SCFD1: variants seen among roughly 807,000 people sequenced by gnomAD.
SCFD1 encodes the protein sec1 family domain containing 1.
A neutral mutation model predicts 103.2 loss-of-function variants in SCFD1; 37 were observed. The ratio of observed to expected loss-of-function variants is 0.36; its 90% CI spans 0.28 to 0.47. The LOEUF (loss-of-function observed/expected upper bound fraction) is 0.47, where lower values mean the gene tolerates loss of function less well. Among genes scored for constraint, SCFD1 ranks in the 20% least tolerant of loss-of-function variants. The probability of loss-of-function intolerance (pLI) is 1.00; values close to 1 mark genes in which losing one functional copy is unlikely to be tolerated. For synonymous variants in SCFD1, 264 were observed against 245.0 expected (o/e 1.08, Z -0.73); for missense variants, 639 against 761.2 (o/e 0.84, Z 1.89).
At chr14:30,731,332 A>G (rs954827624) in intron 23 of SCFD1, among the ~76,000 whole-genome samples, 13 of 152,228 alleles carry the variant, frequency 8.5e-5, no homozygotes, top group South Asian at 4.1e-4. Flanking sequence ...TTGGCAATGC[A>G]GGCTCTTTTT....
At chr14:30,631,372 T>C (rs1266274626) in intron 3 of SCFD1, among the ~76,000 whole-genome samples, 1 of 151,994 alleles carries the variant, frequency 6.6e-6, no homozygotes, top group Non-Finnish European at 1.5e-5. Context: ...AAAAAATTAA[T>C]TAATTAAAAT....
chr14:30,626,254 AT>A (rs1197510773), intron 1 of SCFD1, among the ~76,000 whole-genome samples: 1 of 152,078 alleles, frequency 6.6e-6, no homozygotes, highest in Non-Finnish European at 1.5e-5. Flanking sequence ...GGTAATGTGT[AT>A]TTTTGGCTGG....
chr14:30,657,617 T>C (rs1004085718), intron 10 of SCFD1, among the ~76,000 whole-genome samples: 1 of 152,162 alleles, frequency 6.6e-6, no homozygotes, highest in African/African-American at 2.4e-5. Flanking sequence ...TAATTCTGTT[T>C]ATTAATCTTA....
intron 17 of SCFD1, 88 bp downstream of exon 17, chr14:30,702,463 A>C (rs1426587893): frequency 1.3e-6 from 1 of 746,430 alleles, no homozygotes; most frequent in Non-Finnish European, 2.2e-6. Context: ...GCTAATAAGA[A>C]AACTGAACAA....
chr14:30,623,617 G>A (rs1485511952), intron 1 of SCFD1, among the ~76,000 whole-genome samples: 1 of 152,088 alleles, frequency 6.6e-6, no homozygotes, highest in South Asian at 2.1e-4. Context: ...TTAAAATAAC[G>A]TGTCAGTAAA....
intron 23 of SCFD1, among the ~76,000 whole-genome samples, chr14:30,723,145 C>T (rs1029506265): frequency 6.6e-6 from 1 of 152,160 alleles, no homozygotes; most frequent in African/African-American, 2.4e-5. Flanking sequence ...GTAATCTTCA[C>T]TTATTCACTT....
rs575760460 is a variant in SCFD1, at chr14:30,646,422, G to C, written c.613+3017G>C. 4.6e-5 allele frequency among the ~76,000 whole-genome samples: 7 copies of C among 150,620 alleles called. No homozygotes were observed. In the South Asian group the frequency reaches 1.5e-3, roughly 31 times the overall value. Reference sequence around the variant, plus strand: ...TTGTTTTTAGTTCTTTTTATGTAATGAATCACATTTTCTGATTTGCATGTG... The same window carrying C: ...TTGTTTTTAGTTCTTTTTATGTAATCAATCACATTTTCTGATTTGCATGTG... On this transcript the variant is annotated intron_variant, in intron 7 of 24. Coordinates refer to ENST00000458591, the MANE Select transcript of SCFD1 (RefSeq NM_016106.4).
chr14:30,640,271 G>A (rs1003438977), intron 6 of SCFD1, among the ~76,000 whole-genome samples: 31 of 152,268 alleles, frequency 2.0e-4, no homozygotes, highest in African/African-American at 6.7e-4. Context: ...CCTGAGAGAA[G>A]AGAATGAATC....
At chr14:30,661,364 C>A (rs568978335) in intron 10 of SCFD1, among the ~76,000 whole-genome samples, 1 of 152,168 alleles carries the variant, frequency 6.6e-6, no homozygotes, top group African/African-American at 2.4e-5. Context: ...ATTAAAACCA[C>A]ATATCATCAC....
At chr14:30,694,926 T>C in intron 15 of SCFD1, 57 bp downstream of exon 15, 1 of 1,546,078 alleles carries the variant, frequency 6.5e-7, no homozygotes, top group Admixed American at 2.2e-5. Flanking sequence ...AAGCAGCATT[T>C]TCAATTGAGT....
At chr14:30,720,528 A>C (rs1024789909) in intron 21 of SCFD1, among the ~76,000 whole-genome samples, 2 of 152,164 alleles carry the variant, frequency 1.3e-5, no homozygotes, top group Non-Finnish European at 2.9e-5. Flanking sequence ...TTCCTCATCC[A>C]TGGGTTCAAC....
Position 30,735,709 on chromosome 14 carries a change from C to A in SCFD1, c.*100C>A. The A allele has an allele frequency of 1.3e-6, 1 of 784,260 alleles. No individual in the cohort carries two copies. The highest frequency in any genetic ancestry group is 2.1e-6 in the Non-Finnish European group (1 of 482,990). 48.6% of individuals were successfully genotyped at this position (784,260 alleles called of 1,614,324 possible). The stretch of plus-strand genomic sequence containing the variant: ...TATGTTTCCTTCTCTGTAACAGTGT[C>A]CTAACAGTGAAAATCAGAGTTATTT... On this transcript the variant is annotated 3_prime_UTR_variant, in exon 25 of 25. Transcript: ENST00000458591.
intron 10 of SCFD1, among the ~76,000 whole-genome samples, chr14:30,654,750 C>T (rs1886739964): frequency 6.6e-6 from 1 of 151,810 alleles, no homozygotes; most frequent in East Asian, 1.9e-4. Context: ...GATATTGGCT[C>T]TAAAGTGTTT....
chr14:30,719,384 A>G lies in SCFD1; in HGVS notation c.1736+7A>G. The G allele has an allele frequency of 6.2e-7, 1 of 1,603,246 alleles. No homozygotes were observed. The highest frequency in any genetic ancestry group is 1.7e-4 in the Middle Eastern group (1 of 6,036). ...TGCTGCGGGGCAATGACAGGTAAGC[A>G]GCTTTTGTCTTGTTTAACTTGTGGA... On this transcript the variant is annotated splice_region_variant and intron_variant, in intron 21 of 24. Transcript: ENST00000458591.
rs17363602 is a variant in SCFD1, at chr14:30,684,118, G to A, written c.1242+9053G>A. Among the ~76,000 whole-genome samples, 487 of 152,312 alleles carry A rather than the reference G, an allele frequency of 3.2e-3. 1 individual carries two copies. The highest frequency in any genetic ancestry group is 5.3e-3 in the Non-Finnish European group (361 of 68,020). On this transcript the variant is annotated intron_variant, in intron 14 of 24. Coordinates refer to ENST00000458591, the MANE Select transcript of SCFD1 (RefSeq NM_016106.4). ...ATTTCTTTTGTGTCCTTTCTTGGTC[G>A]TCTGGCAAATGTCCCAGGTTATGGA...
intron 11 of SCFD1, among the ~76,000 whole-genome samples, chr14:30,671,075 T>TA (rs1437343461): frequency 2.6e-5 from 4 of 152,162 alleles, no homozygotes; most frequent in African/African-American, 7.2e-5. Context: ...ATATGATTTT[T>TA]AAAAAATATT....
intron 14 of SCFD1, among the ~76,000 whole-genome samples, chr14:30,691,717 C>A (rs1890316583): frequency 6.6e-6 from 1 of 152,078 alleles, no homozygotes; most frequent in South Asian, 2.1e-4. Context: ...ATTTTTGTCA[C>A]CTCAAAAAGA....
intron 23 of SCFD1, among the ~76,000 whole-genome samples, chr14:30,731,932 A>C (rs1893504949): frequency 1.3e-5 from 2 of 152,144 alleles, no homozygotes; most frequent in Non-Finnish European, 2.9e-5. Flanking sequence ...GTCTTGTGCC[A>C]GTTTTCAAAG....
intron 14 of SCFD1, chr14:30,676,078 G>A (rs761231845): frequency 5.3e-5 from 8 of 152,278 alleles, no homozygotes; most frequent in Non-Finnish European, 1.0e-4. Context: ...GCAAAAGGCT[G>A]TTCAGATCTG....
Sources: gnomAD v4.1 joint callset for allele counts (sites outside exome capture counted in the v4.1 genomes callset) on GRCh38, gnomAD v4.1.1 for gene constraint, MANE v1.5 for transcripts, NCBI Gene and HGNC (gene_info 2026-07-23, HGNC 2026-07-21) for gene names.